Variants in BRD3 observed in about 807,000 individuals in gnomAD.
BRD3 encodes bromodomain-containing protein 3.
In BRD3, 17 loss-of-function variants were observed where a neutral mutation model predicts 66.8. The observed-to-expected ratio is 0.25, with a 90% CI of 0.17 to 0.38. BRD3 has a LOEUF of 0.38. BRD3 is among the 10% of genes least tolerant of loss of function. The probability of loss-of-function intolerance (pLI) is 1.00; values close to 1 mark genes in which losing one functional copy is unlikely to be tolerated. For synonymous variants in BRD3, 421 were observed against 393.2 expected (o/e 1.07, Z -0.84); for missense variants, 713 against 956.1 (o/e 0.75, Z 3.35).
chr9:134,063,146 G>A lies in BRD3; in HGVS notation c.-114+4799C>T, dbSNP rs531699294. On this transcript the variant is annotated intron_variant, in intron 1 of 11. Transcript: ENST00000303407. ...CCGCAGCTCTCAGACCATCCCCTTG[G>A]TTATTTCGTCTATGTTCTCTGCTCA... 7.2e-5 allele frequency among the ~76,000 whole-genome samples: 11 copies of A among 152,360 alleles called. No homozygotes were observed. The East Asian group carries it at 1.3e-3, about 19-fold the overall frequency.
At chr9:134,048,645 G>A (rs1277236719) in intron 5 of BRD3, among the ~76,000 whole-genome samples, 191 bp from the exon 6 acceptor site, 2 of 152,196 alleles carry the variant, frequency 1.3e-5, no homozygotes, top group Non-Finnish European at 2.9e-5. Flanking sequence ...AGCTGGCAGT[G>A]GTGAGGCTGG....
At position 134,031,167 on chromosome 9, in the gene BRD3, T is replaced by A. The variant is rs913400758; in HGVS notation, c.*2423A>T. On this transcript the variant is annotated 3_prime_UTR_variant, in exon 12 of 12. Coordinates refer to ENST00000303407, the MANE Select transcript of BRD3 (RefSeq NM_007371.4). ...TCAGGGTCAGTGGCTTCTTTCTAGA[T>A]GAAAGGAGCAGAGGCGAGCCGACGC... is the stretch of plus-strand genomic sequence containing the variant. The A allele has an allele frequency of 4.0e-5, 9 of 225,298 alleles. No individual in the cohort carries two copies. The highest frequency in any genetic ancestry group is 6.7e-5 in the African/African-American group (3 of 44,766). The allele number at this position is 225,298 out of a possible 1,614,324, so 14.0% of individuals were successfully genotyped here.
rs1278133442 is a variant in BRD3 at position 134,031,564 on chromosome 9, TAATTAAAAGTTTA to T, written c.*2013_*2025del. 1.9e-5 allele frequency: 4 copies of T among 205,462 alleles called. No individual in the cohort carries two copies. Among genetic ancestry groups the T allele is most frequent in the African/African-American group, 9.1e-5 (4 of 43,746 alleles). The allele number at this position is 205,462 out of a possible 1,614,324, so 12.7% of individuals were successfully genotyped here. On this transcript the variant is annotated 3_prime_UTR_variant, in exon 12 of 12. Transcript: ENST00000303407. ...TTATATTTTTATTATAAACAAAACT[TAATTAAAAGTTTA>T]ACAAACTGGCTGAAAACTCACCAAG... is the stretch of plus-strand genomic sequence containing the variant.
At chr9:134,041,268 G>T (rs1237437583) in intron 8 of BRD3, among the ~76,000 whole-genome samples, 1 of 152,216 alleles carries the variant, frequency 6.6e-6, no homozygotes, top group Non-Finnish European at 1.5e-5. Context: ...CTCAGAGTGG[G>T]TGACATTTGT....
intron 9 of BRD3, among the ~76,000 whole-genome samples, chr9:134,039,805 G>A (rs1012796470): frequency 7.2e-5 from 11 of 152,236 alleles, no homozygotes; most frequent in East Asian, 1.9e-4. Flanking sequence ...CCGTGCCAGC[G>A]CTTCAATGCC....
chr9:134,047,886 C>A, intron 6 of BRD3, 197 bp downstream of exon 6: 1 of 661,202 alleles, frequency 1.5e-6, no homozygotes, highest in South Asian at 2.4e-5. Flanking sequence ...ACTCCGGGAC[C>A]CACAGGCAGA....
At chr9:134,064,133 G>A (rs563497108) in intron 1 of BRD3, among the ~76,000 whole-genome samples, 8 of 152,330 alleles carry the variant, frequency 5.3e-5, no homozygotes, top group South Asian at 4.1e-4. Flanking sequence ...CCAGCCACAC[G>A]CACAGGTCCT....
At position 134,030,833 on chromosome 9, in the gene BRD3, C is replaced by CA. The variant is rs3832641; in HGVS notation, c.*2756dup. On this transcript the variant is annotated 3_prime_UTR_variant, in exon 12 of 12. Coordinates refer to ENST00000303407, the MANE Select transcript of BRD3 (RefSeq NM_007371.4). ...GCCCGAAGCCTGCCCCCTCGGCCTC[C>CA]AGGGGTCATTCAGAGTGTTCTCAAA... 2,615 of 232,700 alleles carry CA rather than the reference C, an allele frequency of 0.011. 195 individuals are homozygous for CA. The East Asian group carries it at 0.15, about 13-fold the overall frequency. 14.4% of individuals were successfully genotyped at this position (232,700 alleles called of 1,614,324 possible). A position where few individuals can be genotyped will look rare whatever the true frequency, so the allele number is the denominator to read the frequency against.
intron 1 of BRD3, among the ~76,000 whole-genome samples, chr9:134,059,151 T>C (rs1007274679): frequency 2.0e-5 from 3 of 152,154 alleles, no homozygotes; most frequent in Admixed American, 6.5e-5. Context: ...TTCATGATAA[T>C]GTGGGGGGTG....
At chr9:134,036,761 C>A (rs1026162143) in intron 9 of BRD3, among the ~76,000 whole-genome samples, 1 of 152,190 alleles carries the variant, frequency 6.6e-6, no homozygotes, top group Non-Finnish European at 1.5e-5. Flanking sequence ...GTAATCCCAG[C>A]ACTTTGGGAG....
At chr9:134,034,553 T>C (rs1420459101) in intron 11 of BRD3, 148 bp downstream of exon 11, 13 of 1,146,024 alleles carry the variant, frequency 1.1e-5, no homozygotes, top group Non-Finnish European at 1.6e-5. Flanking sequence ...GAAATGGAGG[T>C]TTCAGGAGCT....
At position 134,053,579 on chromosome 9, in the gene BRD3, A is replaced by G; in HGVS notation, c.-102T>C. 6.9e-6 allele frequency: 10 copies of G among 1,447,322 alleles called. No homozygotes were observed. The East Asian group carries it at 7.5e-5, about 11-fold the overall frequency. The allele number at this position is 1,447,322 out of a possible 1,614,324, so 89.7% of individuals were successfully genotyped here. On this transcript the variant is annotated 5_prime_UTR_variant, in exon 2 of 12. Coordinates refer to ENST00000303407, the MANE Select transcript of BRD3 (RefSeq NM_007371.4). ...GCGCGACGTCCCATTTCCGGGCCCAACCAGGCGACAGCTGCAGAGGAGGAA... is the reference window on the plus strand; with the variant it reads ...GCGCGACGTCCCATTTCCGGGCCCAGCCAGGCGACAGCTGCAGAGGAGGAA...
At chr9:134,065,743 C>G (rs1184574272) in intron 1 of BRD3, among the ~76,000 whole-genome samples, 1 of 152,216 alleles carries the variant, frequency 6.6e-6, no homozygotes, top group African/African-American at 2.4e-5. Flanking sequence ...TTGGGAAACC[C>G]TGAGCCACCA....
rs1231526332 is a variant in BRD3, at chr9:134,040,166, T to C, written c.1511A>G (p.Lys504Arg). The C allele has an allele frequency of 6.4e-7, 1 of 1,563,546 alleles. No individual in the cohort carries two copies. The highest frequency in any genetic ancestry group is 2.4e-5 in the East Asian group (1 of 42,182). ...KKEKEKKKKD[K>R]EKEKEKHKVK... ...TTTGTGCTTCTCCTTCTCCTTCTCC[T>C]TGTCCTTCTTCTTCTTCTCCTTCTC... The change falls in exon 9 of 12, where the codon AAG becomes AGG. Residue 504 changes from lysine (K) to arginine (R), a missense_variant. By Grantham distance (26) the Lys-to-Arg change is conservative. Coordinates refer to ENST00000303407, the MANE Select transcript of BRD3 (RefSeq NM_007371.4).
chr9:134,053,763 G>T, intron 1 of BRD3, 173 bp from the exon 2 acceptor site: 1 of 538,078 alleles, frequency 1.9e-6, no homozygotes, highest in Non-Finnish European at 3.2e-6. Context: ...AAGCTGCTCA[G>T]GCGAAGCGCG....
chr9:134,051,481 C>A, intron 4 of BRD3, 81 bp downstream of exon 4: 1 of 1,383,024 alleles, frequency 7.2e-7, no homozygotes, highest in Non-Finnish European at 9.4e-7. Context: ...GCTCAGATGG[C>A]TAAAGGATCG....
intron 1 of BRD3, chr9:134,057,416 T>G (rs1032465050): frequency 6.6e-6 from 1 of 152,140 alleles, no homozygotes; most frequent in African/African-American, 2.4e-5. Context: ...CGTCGGTGGC[T>G]CCTCTGCCAG....
upstream of BRD3, chr9:134,068,528 T>C (rs960065453): frequency 3.4e-5 from 5 of 148,088 alleles, no homozygotes; most frequent in African/African-American, 7.4e-5. Context: ...CGCGCCTAAT[T>C]AGCCTGGCGG....
chr9:134,066,563 A>G (rs780940305), intron 1 of BRD3, among the ~76,000 whole-genome samples: 2 of 13,970 alleles, frequency 1.4e-4, no homozygotes, highest in East Asian at 1.6e-3. Flanking sequence ...TGGACCCAGG[A>G]AAAAAAAAAA....
Sources: allele counts gnomAD v4.1 joint callset (sites outside exome capture counted in the v4.1 genomes callset), GRCh38; gene constraint gnomAD v4.1.1; transcripts MANE v1.5; gene names NCBI Gene and HGNC (gene_info 2026-07-23, HGNC 2026-07-21).